PLXNA2: variants seen among roughly 807,000 people sequenced by gnomAD.
PLXNA2 encodes plexin-A2.
A neutral mutation model predicts 193.5 loss-of-function variants in PLXNA2; 91 were observed. That is an observed-to-expected ratio of 0.47 (90% confidence interval 0.40 to 0.56). The LOEUF is 0.56. Among genes scored for constraint, PLXNA2 ranks in the 20% least tolerant of loss-of-function variants. The pLI is 0.00. For missense variants in PLXNA2, 1,995 were observed against 2,503.2 expected (o/e 0.80, Z 4.33); for synonymous variants, 997 against 1,027.3 (o/e 0.97, Z 0.56).
intron 14 of PLXNA2, 55 bp downstream of exon 14, chr1:208,054,366 A>T: frequency 3.3e-6 from 4 of 1,198,044 alleles, no homozygotes; most frequent in Non-Finnish European, 5.0e-6. Context: ...AGGAGTCTGG[A>T]GCATGTGTGT....
chr1:208,213,795 C>T (rs933385802), intron 2 of PLXNA2, among the ~76,000 whole-genome samples: 1 of 152,198 alleles, frequency 6.6e-6, no homozygotes, highest in Non-Finnish European at 1.5e-5. Context: ...AGCCCTTGCA[C>T]CAGAAGGGTG....
Position 208,083,246 on chromosome 1 carries a change from T to A in PLXNA2, c.2299-738A>T, listed in dbSNP as rs561108110. 1.2e-4 allele frequency among the ~76,000 whole-genome samples: 19 copies of A among 152,260 alleles called. No homozygotes were observed. In the South Asian group the frequency reaches 3.1e-3, roughly 25 times the overall value. ...GATCTCATCAGCCCTATCGTTAAAGTCCTCTAGCTGTGGCCAGGAGTCTAT... is the reference window on the plus strand; with the variant it reads ...GATCTCATCAGCCCTATCGTTAAAGACCTCTAGCTGTGGCCAGGAGTCTAT... On this transcript the variant is annotated intron_variant, in intron 10 of 31. Transcript: ENST00000367033.
At chr1:208,048,384 C>T (rs1159421548) in intron 17 of PLXNA2, among the ~76,000 whole-genome samples, 1 of 152,162 alleles carries the variant, frequency 6.6e-6, no homozygotes, top group Admixed American at 6.5e-5. Flanking sequence ...AGCAGAAGCA[C>T]AGGGCAGGGG....
At chr1:208,144,082 C>T (rs566891359) in intron 3 of PLXNA2, among the ~76,000 whole-genome samples, 1 of 152,312 alleles carries the variant, frequency 6.6e-6, no homozygotes, top group South Asian at 2.1e-4. Flanking sequence ...AAGATTAAGG[C>T]TTCTTCTCCC....
intron 3 of PLXNA2, among the ~76,000 whole-genome samples, chr1:208,143,847 C>T (rs1317060741): frequency 6.6e-6 from 1 of 151,852 alleles, no homozygotes; most frequent in African/African-American, 2.4e-5. Flanking sequence ...TTCAGATGTG[C>T]GTAAGTCCTG....
At chr1:208,133,504 A>C (rs530919059) in intron 4 of PLXNA2, among the ~76,000 whole-genome samples, 1 of 152,374 alleles carries the variant, frequency 6.6e-6, no homozygotes, top group South Asian at 2.1e-4. Flanking sequence ...TTAGAAAGAC[A>C]GCCCTATCTA....
intron 1 of PLXNA2, among the ~76,000 whole-genome samples, chr1:208,241,912 T>A (rs1321872402): frequency 1.3e-5 from 2 of 151,354 alleles, no homozygotes; most frequent in African/African-American, 4.9e-5. Context: ...CAGATTCCAC[T>A]GTTTCCTTGG....
intron 13 of PLXNA2, among the ~76,000 whole-genome samples, chr1:208,057,680 T>A (rs1665478694): frequency 6.6e-6 from 1 of 152,174 alleles, no homozygotes; most frequent in Non-Finnish European, 1.5e-5. Flanking sequence ...GGGGTCCCTA[T>A]GTATTGTTAG....
chr1:208,061,622 T>C (rs1665625177), intron 12 of PLXNA2, among the ~76,000 whole-genome samples: 1 of 152,238 alleles, frequency 6.6e-6, no homozygotes. Flanking sequence ...TCCAAATCTT[T>C]GCTGGCTTCC....
intron 14 of PLXNA2, among the ~76,000 whole-genome samples, chr1:208,052,708 C>T (rs1665304174): frequency 6.6e-6 from 1 of 152,120 alleles, no homozygotes; most frequent in Non-Finnish European, 1.5e-5. Context: ...TCCCCAGAGT[C>T]TCATGCTCAT....
chr1:208,058,144 C>T (rs367831958), intron 13 of PLXNA2, among the ~76,000 whole-genome samples: 8 of 152,184 alleles, frequency 5.3e-5, no homozygotes, highest in African/African-American at 1.2e-4. Context: ...ACATCCATCC[C>T]GCAATGGCTG....
At chr1:208,126,089 C>T (rs1257338834) in intron 4 of PLXNA2, among the ~76,000 whole-genome samples, 2 of 152,184 alleles carry the variant, frequency 1.3e-5, no homozygotes. Context: ...ATGAGAGAGA[C>T]AGCTCCTTAA....
rs762794769 is a variant in PLXNA2 at position 208,092,761 on chromosome 1, C to T, written c.2097+25G>A. On this transcript the variant is annotated intron_variant, in intron 9 of 31. Transcript: ENST00000367033. ...CCACTCAGACTCACTGGGAACACTG[C>T]CATGTTAGGGTAAGCCCTTCTTACC... is the stretch of plus-strand genomic sequence containing the variant. 17 of 1,532,762 alleles carry T rather than the reference C, an allele frequency of 1.1e-5. No homozygotes were observed. In the East Asian group the frequency reaches 3.8e-4, roughly 35 times the overall value. The allele number at this position is 1,532,762 out of a possible 1,614,324, so 94.9% of individuals were successfully genotyped here.
chr1:208,116,521 C>G (rs1268921408), intron 4 of PLXNA2, among the ~76,000 whole-genome samples: 1 of 152,160 alleles, frequency 6.6e-6, no homozygotes, highest in African/African-American at 2.4e-5. Context: ...AGTATCCATT[C>G]GGTGACTTGA....
chr1:208,179,153 G>C (rs1377093648), intron 3 of PLXNA2, among the ~76,000 whole-genome samples: 1 of 152,146 alleles, frequency 6.6e-6, no homozygotes, highest in African/African-American at 2.4e-5. Flanking sequence ...AGGCGGGGAG[G>C]CTGCCACAAC....
At chr1:208,188,065 C>T (rs1670062645) in intron 3 of PLXNA2, among the ~76,000 whole-genome samples, 1 of 152,220 alleles carries the variant, frequency 6.6e-6, no homozygotes, top group Non-Finnish European at 1.5e-5. Context: ...ATTGCACCAC[C>T]ACCAGTGACG....
In PLXNA2 at chr1:208,214,609, C is replaced by T. The variant is rs187703472; in HGVS notation, c.1188+2126G>A. ...AGTACTCAGAAGGTAGCCGTATGGG[C>T]CCCTTGGTCTCATATATTTTTTTCT... is the stretch of plus-strand genomic sequence containing the variant. On this transcript the variant is annotated intron_variant, in intron 2 of 31. Transcript: ENST00000367033. Among the ~76,000 whole-genome samples the T allele has an allele frequency of 7.9e-4, 120 of 152,242 alleles. No individual in the cohort carries two copies. In the Middle Eastern group the frequency reaches 0.017, roughly 22 times the overall value.
chr1:208,205,167 G>A (rs1670675985), intron 3 of PLXNA2, among the ~76,000 whole-genome samples: 1 of 152,206 alleles, frequency 6.6e-6, no homozygotes, highest in Non-Finnish European at 1.5e-5. Flanking sequence ...TTTGCCCCAT[G>A]GCATGAGCTT....
At chr1:208,141,058 C>T (rs532589756) in intron 4 of PLXNA2, among the ~76,000 whole-genome samples, 4 of 152,302 alleles carry the variant, frequency 2.6e-5, no homozygotes, top group African/African-American at 9.6e-5. Context: ...CCCATCTGGA[C>T]CTGTTTATAC....
Sources: gnomAD v4.1 joint callset for allele counts (sites outside exome capture counted in the v4.1 genomes callset) on GRCh38, gnomAD v4.1.1 for gene constraint, MANE v1.5 for transcripts, NCBI Gene and HGNC (gene_info 2026-07-23, HGNC 2026-07-21) for gene names.